Variants in FAAH2 observed in about 807,000 individuals in gnomAD.
FAAH2 encodes the protein fatty-acid amide hydrolase 2.
A neutral mutation model predicts 36.9 loss-of-function variants in FAAH2; 60 were observed. The observed-to-expected ratio is 1.63, with a 90% CI of 1.32 to 2.02. The LOEUF (loss-of-function observed/expected upper bound fraction) is 2.02. FAAH2 is among the 30% of genes most tolerant of loss of function. The probability of loss-of-function intolerance (pLI) is 0.00; values close to 1 mark genes in which losing one functional copy is unlikely to be tolerated. For missense variants in FAAH2, 689 were observed against 397.5 expected (o/e 1.73, Z -6.23); for synonymous variants, 214 against 143.8 (o/e 1.49, Z -3.49).
At chrX:57,311,463 TG>T (rs1287606741) in intron 3 of FAAH2, among the ~76,000 whole-genome samples, 1 of 112,055 alleles carries the variant, frequency 8.9e-6, no homozygotes, top group Non-Finnish European at 1.9e-5. Context: ...GTGTATGAGC[TG>T]GCAGGAAGAT....
chrX:57,139,912 GAC>G, the FAAH2 span, among the ~76,000 whole-genome samples: 1 of 111,856 alleles, frequency 8.9e-6, no homozygotes, highest in Non-Finnish European at 1.9e-5. Flanking sequence ...TTGGTGTTTT[GAC>G]AGAGATTGAG....
chrX:57,430,147 A>G (rs1401036801), intron 7 of FAAH2, among the ~76,000 whole-genome samples: 2 of 111,709 alleles, frequency 1.8e-5, no homozygotes, highest in African/African-American at 3.2e-5. Flanking sequence ...CAATATATCC[A>G]TGTAACAAAA....
intron 8 of FAAH2, 51 bp downstream of exon 8, chrX:57,432,088 T>G (rs1296533564): frequency 1.9e-6 from 2 of 1,069,774 alleles, no homozygotes; most frequent in Non-Finnish European, 2.5e-6. Flanking sequence ...AAACATTTAT[T>G]GAGCTTCTAT....
chrX:57,159,768 A>T, the FAAH2 span, among the ~76,000 whole-genome samples: 5 of 111,949 alleles, frequency 4.5e-5, no homozygotes, highest in African/African-American at 1.3e-4. Context: ...TAGATATACA[A>T]TGATGTGATC....
chrX:57,142,196 G>A, the FAAH2 span, among the ~76,000 whole-genome samples: 1 of 111,441 alleles, frequency 9.0e-6, no homozygotes, highest in Non-Finnish European at 1.9e-5. Flanking sequence ...GCATTTTTAG[G>A]TTGTTTATTT....
chrX:57,455,286 C>G lies in FAAH2; in HGVS notation c.1423+6568C>G, dbSNP rs140772311. ...TTATTATTACCAGACCACCCTTACC[C>G]GAGTTCTTTAAGAGAGTGCTAAATA... On this transcript the variant is annotated intron_variant, in intron 10 of 10. Coordinates refer to ENST00000374900, the MANE Select transcript of FAAH2 (RefSeq NM_174912.4). Among the ~76,000 whole-genome samples the G allele has an allele frequency of 4.6e-3, 514 of 111,281 alleles. 4 individuals carry two copies. Among genetic ancestry groups the G allele is most frequent in the African/African-American group, 0.016 (501 of 30,626 alleles).
chrX:57,254,139 T>G, the FAAH2 span, among the ~76,000 whole-genome samples: 2 of 109,383 alleles, frequency 1.8e-5, no homozygotes, highest in Non-Finnish European at 3.8e-5. Flanking sequence ...TGGTCTTTGA[T>G]AAAACAGACT....
chrX:57,468,115 A>C (rs1159521939), intron 10 of FAAH2, among the ~76,000 whole-genome samples: 1 of 111,666 alleles, frequency 9.0e-6, no homozygotes, highest in Non-Finnish European at 1.9e-5. Flanking sequence ...CATAATCAAG[A>C]CAAAAACTAG....
chrX:57,307,650 A>G (rs925098571), intron 2 of FAAH2, among the ~76,000 whole-genome samples: 2 of 111,476 alleles, frequency 1.8e-5, no homozygotes, highest in African/African-American at 3.3e-5. Flanking sequence ...ATCAACTTTT[A>G]TCTTAAATTC....
At chrX:57,142,032 T>A in the FAAH2 span, among the ~76,000 whole-genome samples, 5 of 111,690 alleles carry the variant, frequency 4.5e-5, no homozygotes, top group East Asian at 2.8e-4. Context: ...GGTTTGTAGA[T>A]TTTTGTCATG....
chrX:57,277,255 G>A, the FAAH2 span, among the ~76,000 whole-genome samples: 40,429 of 110,628 alleles, frequency 0.37, 6,333 homozygotes, highest in Middle Eastern at 0.61. Context: ...TCCCTGGGAC[G>A]CAAGGCTGGT....
intron 5 of FAAH2, among the ~76,000 whole-genome samples, chrX:57,370,279 TATAACCCAGATAAGAAAAAC>T (rs1435503882): frequency 9.0e-6 from 1 of 111,376 alleles, no homozygotes; most frequent in African/African-American, 3.3e-5. Flanking sequence ...GATAAAAAAA[TATAACCCAGATAAGAAAAAC>T]ATAACCCAGC....
rs2053239793 is a variant in FAAH2, at chrX:57,327,072, A to G, written c.413-4526A>G. 5.5e-5 allele frequency among the ~76,000 whole-genome samples: 6 copies of G among 108,771 alleles called. No individual in the cohort carries two copies. The Admixed American group carries it at 5.9e-4, about 11-fold the overall frequency. The allele number at this position is 108,771 out of a possible 115,157, so 94.5% of individuals were successfully genotyped here. On this transcript the variant is annotated intron_variant, in intron 3 of 10. Coordinates refer to ENST00000374900, the MANE Select transcript of FAAH2 (RefSeq NM_174912.4). ...TCTCTCAGCATTTGCTTGTCTGTAA[A>G]GGATTTTATTTCTCCTGCACTTATG...
intron 10 of FAAH2, among the ~76,000 whole-genome samples, chrX:57,473,078 AT>A (rs1224998995): frequency 9.2e-6 from 1 of 108,554 alleles, no homozygotes; most frequent in Non-Finnish European, 1.9e-5. Flanking sequence ...CTAGCTTTGG[AT>A]TTGGTTTGTT....
chrX:57,127,009 C>G, the FAAH2 span: 1 of 111,177 alleles, frequency 9.0e-6, no homozygotes, highest in Non-Finnish European at 1.9e-5. Flanking sequence ...TATCGTTTAG[C>G]TGCTGATCAT....
the FAAH2 span, among the ~76,000 whole-genome samples, chrX:57,217,755 T>C: frequency 8.9e-6 from 1 of 112,101 alleles, no homozygotes; most frequent in Non-Finnish European, 1.9e-5. Flanking sequence ...TCTTGCTTTG[T>C]CTATATGGGC....
intron 3 of FAAH2, among the ~76,000 whole-genome samples, chrX:57,316,374 C>A (rs969519588): frequency 2.7e-5 from 3 of 111,635 alleles, no homozygotes; most frequent in Non-Finnish European, 3.8e-5. Context: ...TTGGAAAAAA[C>A]CTATTTTAAA....
chrX:57,347,604 G>GTTTTTTTTTTTTTTTTTTTTTTTT (rs61323098), intron 5 of FAAH2, among the ~76,000 whole-genome samples: 1 of 77,900 alleles, frequency 1.3e-5, no homozygotes, highest in African/African-American at 6.5e-5. Flanking sequence ...GGGATGCTAA[G>GTTTTTTTTTTTTTTTTTTTTTTTT]TTTTTTTTTT....
intron 2 of FAAH2, 151 bp downstream of exon 2, chrX:57,292,731 T>C: frequency 2.4e-6 from 1 of 425,163 alleles, no homozygotes; most frequent in Non-Finnish European, 3.9e-6. Flanking sequence ...AATTTCAGTA[T>C]TTTGTCCTTT....
Sources: allele counts gnomAD v4.1 joint callset (sites outside exome capture counted in the v4.1 genomes callset), GRCh38; gene constraint gnomAD v4.1.1; transcripts MANE v1.5; gene names NCBI Gene and HGNC (gene_info 2026-07-23, HGNC 2026-07-21).